The following HSD17B12 variants were observed in gnomAD, a reference collection of about 807,000 sequenced individuals.
HSD17B12 encodes the protein very-long-chain 3-oxoacyl-CoA reductase.
Under a neutral mutation model 39.3 loss-of-function variants are expected in HSD17B12, and 32 were observed. That is an observed-to-expected ratio of 0.81 (90% CI 0.61 to 1.09). The LOEUF is 1.09. Among genes scored for constraint, HSD17B12 ranks in the 50% least tolerant of loss-of-function variants. HSD17B12 has a pLI of 0.00. For missense variants in HSD17B12, 342 were observed against 382.9 expected (o/e 0.89, Z 0.89); for synonymous variants, 150 against 146.7 (o/e 1.02, Z -0.16).
intron 1 of HSD17B12, among the ~76,000 whole-genome samples, chr11:43,687,588 A>G (rs1357163056): frequency 6.6e-6 from 1 of 152,210 alleles, no homozygotes; most frequent in Non-Finnish European, 1.5e-5. Flanking sequence ...AAGGAAAAGC[A>G]GTTGCTAAAT....
intron 3 of HSD17B12, chr11:43,754,901 T>C (rs200949530): frequency 1.3e-6 from 1 of 761,776 alleles, no homozygotes; most frequent in Middle Eastern, 2.3e-4. Context: ...TGAATTACAA[T>C]ATGGCAAAGA....
intron 3 of HSD17B12, among the ~76,000 whole-genome samples, chr11:43,773,252 A>T (rs539687596): frequency 7.9e-4 from 121 of 152,204 alleles, no homozygotes; most frequent in African/African-American, 1.4e-3. Flanking sequence ...AATTAAAAAA[A>T]TTTTTTTCAG....
At chr11:43,763,611 T>TTTTA in intron 3 of HSD17B12, among the ~76,000 whole-genome samples, 1 of 145,652 alleles carries the variant, frequency 6.9e-6, no homozygotes, top group African/African-American at 2.5e-5. Flanking sequence ...TAAGGTTATC[T>TTTTA]TATATATATA....
At chr11:43,688,306 A>G (rs954947954) in intron 1 of HSD17B12, among the ~76,000 whole-genome samples, 10 of 152,184 alleles carry the variant, frequency 6.6e-5, no homozygotes, top group African/African-American at 2.4e-4. Flanking sequence ...ATCATCTCTC[A>G]GAGACCATTT....
chr11:43,770,578 G>A (rs11037618), intron 3 of HSD17B12, among the ~76,000 whole-genome samples: 6,768 of 152,066 alleles, frequency 0.045, 416 homozygotes, highest in African/African-American at 0.14. Flanking sequence ...AATATAAAAA[G>A]TACAAAAATC....
chr11:43,690,393 TATATATA>T (rs1949848661), intron 1 of HSD17B12, among the ~76,000 whole-genome samples: 5 of 27,736 alleles, frequency 1.8e-4, no homozygotes, highest in Non-Finnish European at 2.7e-4. Flanking sequence ...TATATATATA[TATATATA>T]TATATTTTTT....
Position 43,728,620 on chromosome 11 carries a change from G to A in HSD17B12, c.161-22291G>A, listed in dbSNP as rs530973682. ...TACTGTACTTGTTACTCCTCCCACT[G>A]TATCTGGGAATCGGATTATTTATGA... On this transcript the variant is annotated intron_variant, in intron 1 of 10. Coordinates refer to ENST00000278353, the MANE Select transcript of HSD17B12 (RefSeq NM_016142.3). Among the ~76,000 whole-genome samples the A allele has an allele frequency of 2.0e-5, 3 of 152,034 alleles. No individual in the cohort carries two copies. In the East Asian group the frequency reaches 5.8e-4, roughly 29 times the overall value.
intron 1 of HSD17B12, among the ~76,000 whole-genome samples, chr11:43,745,814 T>C (rs1950407003): frequency 6.6e-6 from 1 of 151,998 alleles, no homozygotes; most frequent in African/African-American, 2.4e-5. Flanking sequence ...GAGCATTGCT[T>C]GAGGTTATGA....
At chr11:43,622,303 G>T in the HSD17B12 span, among the ~76,000 whole-genome samples, 1 of 152,024 alleles carries the variant, frequency 6.6e-6, no homozygotes, top group Non-Finnish European at 1.5e-5. Flanking sequence ...ACACTCTGTG[G>T]CCCACTACTC....
intron 1 of HSD17B12, among the ~76,000 whole-genome samples, chr11:43,715,918 G>T (rs930083927): frequency 6.6e-6 from 1 of 152,062 alleles, no homozygotes; most frequent in Admixed American, 6.6e-5. Flanking sequence ...AGGTGTATCT[G>T]GGATTGAATT....
At chr11:43,691,956 A>G (rs568696224) in intron 1 of HSD17B12, among the ~76,000 whole-genome samples, 32 of 152,092 alleles carry the variant, frequency 2.1e-4, no homozygotes, top group African/African-American at 7.7e-4. Flanking sequence ...GTGAAATTCT[A>G]CTCATGTTCC....
intron 3 of HSD17B12, among the ~76,000 whole-genome samples, chr11:43,789,868 G>A (rs569062491): frequency 6.6e-6 from 1 of 152,210 alleles, no homozygotes; most frequent in East Asian, 1.9e-4. Context: ...GAAGGTCCAA[G>A]CTGCAATGAG....
the HSD17B12 span, among the ~76,000 whole-genome samples, chr11:43,640,052 C>T: frequency 6.6e-6 from 1 of 151,658 alleles, no homozygotes; most frequent in African/African-American, 2.4e-5. Flanking sequence ...TGTGAGTAAA[C>T]ATGAAAACAA....
At chr11:43,683,027 A>G (rs1195596690) in intron 1 of HSD17B12, among the ~76,000 whole-genome samples, 3 of 151,832 alleles carry the variant, frequency 2.0e-5, no homozygotes, top group African/African-American at 4.8e-5. Context: ...CCTGAGATCA[A>G]GCAATCCTCC....
the HSD17B12 span, among the ~76,000 whole-genome samples, chr11:43,588,296 G>T: frequency 6.6e-6 from 1 of 152,226 alleles, no homozygotes; most frequent in Non-Finnish European, 1.5e-5. Context: ...GACCCTGGAA[G>T]TGAAGTGATC....
At chr11:43,577,054 G>A in the HSD17B12 span, among the ~76,000 whole-genome samples, 7 of 152,202 alleles carry the variant, frequency 4.6e-5, no homozygotes, top group African/African-American at 1.4e-4. Flanking sequence ...TGGGTAAAGA[G>A]AGGGAAAAAT....
At chr11:43,772,398 T>G (rs986895127) in intron 3 of HSD17B12, among the ~76,000 whole-genome samples, 50 of 152,222 alleles carry the variant, frequency 3.3e-4, no homozygotes, top group African/African-American at 1.2e-3. Context: ...TTTTGGGGTT[T>G]TTTTTGGCAT....
chr11:43,641,585 G>A, the HSD17B12 span, among the ~76,000 whole-genome samples: 1 of 151,920 alleles, frequency 6.6e-6, no homozygotes, highest in Non-Finnish European at 1.5e-5. Flanking sequence ...ATATTTTTTT[G>A]TAGGGTCAGA....
upstream of HSD17B12, among the ~76,000 whole-genome samples, chr11:43,678,991 T>C (rs1015237647): frequency 6.6e-6 from 1 of 152,206 alleles, no homozygotes; most frequent in Admixed American, 6.5e-5. Context: ...GGTAGCTTGA[T>C]GGGGATGGCA....
Sources: allele counts gnomAD v4.1 joint callset (sites outside exome capture counted in the v4.1 genomes callset), GRCh38; gene constraint gnomAD v4.1.1; transcripts MANE v1.5; gene names NCBI Gene and HGNC (gene_info 2026-07-23, HGNC 2026-07-21).